GALNT13: variants seen among roughly 807,000 people sequenced by gnomAD.
The protein encoded by GALNT13 is UDP-GalNAc:polypeptide N-acetylgalactosaminyltransferase 13.
A neutral mutation model predicts 64.2 loss-of-function variants in GALNT13; 28 were observed. The observed-to-expected ratio is 0.44, with a 90% CI of 0.32 to 0.60. The LOEUF is 0.60. Ranked by LOEUF, GALNT13 falls within the 20% of genes least tolerant of loss-of-function variation. The pLI, the probability that GALNT13 is intolerant of heterozygous loss-of-function variation, is 0.05. For synonymous variants in GALNT13, 214 were observed against 224.6 expected (o/e 0.95, Z 0.42); for missense variants, 577 against 669.8 (o/e 0.86, Z 1.53).
chr2:154,125,730 T>G (rs1310539109), intron 3 of GALNT13, among the ~76,000 whole-genome samples: 2 of 152,192 alleles, frequency 1.3e-5, no homozygotes, highest in Non-Finnish European at 2.9e-5. Context: ...CGAAGTTTGG[T>G]TTCATCTTCC....
chr2:153,978,748 A>G (rs1185527845), intron 3 of GALNT13, among the ~76,000 whole-genome samples: 1 of 152,084 alleles, frequency 6.6e-6, no homozygotes, highest in Non-Finnish European at 1.5e-5. Context: ...CAGCATGAAG[A>G]TGGACTAATA....
At position 154,452,940 on chromosome 2, in the gene GALNT13, A is replaced by G. The variant is rs1559164406; in HGVS notation, c.*2389A>G. 6.6e-6 allele frequency: 1 copy of G among 152,124 alleles called. No individual in the cohort carries two copies. Among genetic ancestry groups the G allele is most frequent in the Non-Finnish European group, 1.5e-5 (1 of 68,034 alleles). The allele number at this position is 152,124 out of a possible 1,614,324, so 9.4% of individuals were successfully genotyped here. A position where few individuals can be genotyped will look rare whatever the true frequency, so the allele number is the denominator to read the frequency against. On this transcript the variant is annotated 3_prime_UTR_variant, in exon 13 of 13. Coordinates refer to ENST00000392825, the MANE Select transcript of GALNT13 (RefSeq NM_052917.4). ...ACCAATCTCTTCTGTGGTCTTCTCC[A>G]TCTCAGTTAATGCAACTTCAACCTT...
chr2:153,592,224 A>G, the GALNT13 span, among the ~76,000 whole-genome samples: 1 of 152,186 alleles, frequency 6.6e-6, no homozygotes, highest in African/African-American at 2.4e-5. Context: ...GAACTCTCAT[A>G]TATTGTTGGT....
At chr2:153,811,740 T>G in the GALNT13 span, among the ~76,000 whole-genome samples, 1 of 152,176 alleles carries the variant, frequency 6.6e-6, no homozygotes, top group Non-Finnish European at 1.5e-5. Flanking sequence ...GTTTTTTCTG[T>G]GATGTCTTAA....
chr2:154,084,019 C>T (rs894650905), intron 3 of GALNT13, among the ~76,000 whole-genome samples: 1 of 151,796 alleles, frequency 6.6e-6, no homozygotes. Flanking sequence ...ATGTCTTGGG[C>T]TCCGTATCCA....
the GALNT13 span, among the ~76,000 whole-genome samples, chr2:153,758,364 C>A: frequency 6.6e-6 from 1 of 151,556 alleles, no homozygotes; most frequent in Non-Finnish European, 1.5e-5. Flanking sequence ...ATTCTTATGC[C>A]AGTACCATGC....
intron 3 of GALNT13, among the ~76,000 whole-genome samples, chr2:154,018,267 G>T (rs956634850): frequency 6.6e-6 from 1 of 151,966 alleles, no homozygotes; most frequent in African/African-American, 2.4e-5. Flanking sequence ...GGTTTATTCC[G>T]TCCTGTAAAC....
At chr2:153,118,320 T>A in the GALNT13 span, among the ~76,000 whole-genome samples, 2 of 152,220 alleles carry the variant, frequency 1.3e-5, no homozygotes, top group African/African-American at 4.8e-5. Flanking sequence ...TCACAAGTCC[T>A]CTTCCTCAGA....
intron 4 of GALNT13, among the ~76,000 whole-genome samples, chr2:154,221,449 A>G (rs11892473): frequency 0.35 from 53,366 of 151,822 alleles, 9,668 homozygotes; most frequent in Middle Eastern, 0.51. Context: ...GCAGGTAGAT[A>G]TTTCTTTTGA....
At chr2:154,398,381 A>G (rs75026835) in intron 10 of GALNT13, among the ~76,000 whole-genome samples, 1 of 152,234 alleles carries the variant, frequency 6.6e-6, no homozygotes, top group African/African-American at 2.4e-5. Flanking sequence ...GTTTAGTTCC[A>G]AGTTAAAAAT....
intron 8 of GALNT13, among the ~76,000 whole-genome samples, chr2:154,298,862 TTATATATACATTA>T (rs1693247678): frequency 7.9e-6 from 1 of 127,218 alleles, no homozygotes; most frequent in Non-Finnish European, 1.6e-5. Flanking sequence ...TATATATACA[TTATATATACATTA>T]TATATTATTT....
At chr2:153,702,527 A>G in the GALNT13 span, among the ~76,000 whole-genome samples, 1 of 152,170 alleles carries the variant, frequency 6.6e-6, no homozygotes, top group Non-Finnish European at 1.5e-5. Context: ...ATAATAGCTT[A>G]GGCCAGGATG....
At chr2:153,759,144 A>AT in the GALNT13 span, among the ~76,000 whole-genome samples, 16 of 151,856 alleles carry the variant, frequency 1.1e-4, no homozygotes, top group South Asian at 2.1e-4. Flanking sequence ...TTATATGTTG[A>AT]TTTTTTTTAT....
At chr2:153,158,871 G>A in the GALNT13 span, 1 of 152,212 alleles carries the variant, frequency 6.6e-6, no homozygotes, top group Non-Finnish European at 1.5e-5. Context: ...AGTTTCTGGT[G>A]ATCACTATTT....
At chr2:153,137,363 A>C in the GALNT13 span, among the ~76,000 whole-genome samples, 1 of 152,080 alleles carries the variant, frequency 6.6e-6, no homozygotes, top group East Asian at 1.9e-4. Context: ...CTGGAAAGCT[A>C]ATGGCAATGT....
chr2:154,290,334 A>C (rs907877259), intron 8 of GALNT13, among the ~76,000 whole-genome samples: 1 of 152,198 alleles, frequency 6.6e-6, no homozygotes. Flanking sequence ...GATTGCAGAA[A>C]TTTATCTCAA....
chr2:153,617,546 T>G, the GALNT13 span, among the ~76,000 whole-genome samples: 1 of 151,974 alleles, frequency 6.6e-6, no homozygotes, highest in Admixed American at 6.6e-5. Flanking sequence ...TTTGTCTGGT[T>G]TTTGGTATCA....
chr2:153,644,941 C>A, the GALNT13 span, among the ~76,000 whole-genome samples: 5 of 152,076 alleles, frequency 3.3e-5, no homozygotes, highest in Non-Finnish European at 5.9e-5. Flanking sequence ...CCTACATATG[C>A]CTTCTCTGTA....
chr2:153,598,095 A>C, the GALNT13 span, among the ~76,000 whole-genome samples: 1 of 152,116 alleles, frequency 6.6e-6, no homozygotes, highest in African/African-American at 2.4e-5. Flanking sequence ...GTACCCGTGC[A>C]TGTGTGTGTA....
Sources: gnomAD v4.1 joint callset for allele counts (sites outside exome capture counted in the v4.1 genomes callset) on GRCh38, gnomAD v4.1.1 for gene constraint, MANE v1.5 for transcripts, NCBI Gene and HGNC (gene_info 2026-07-23, HGNC 2026-07-21) for gene names.